PTPRC: variants seen among roughly 807,000 people sequenced by gnomAD.
The protein encoded by PTPRC is protein tyrosine phosphatase receptor type C, also known as receptor-type tyrosine-protein phosphatase C.
In PTPRC, 44 loss-of-function variants were observed where a neutral mutation model predicts 155.9. The observed-to-expected ratio is 0.28, with a 90% confidence interval of 0.22 to 0.36. The LOEUF (loss-of-function observed/expected upper bound fraction) is 0.36. Ranked by LOEUF, PTPRC falls within the 10% of genes least tolerant of loss-of-function variation. PTPRC has a pLI of 1.00. For synonymous variants in PTPRC, 525 were observed against 533.1 expected, an observed-to-expected ratio of 0.98 and a Z score of 0.21; for missense variants, 1,401 against 1,564.6, an observed-to-expected ratio of 0.90 and a Z score of 1.76.
chr1:198,669,414 G>C (rs547565431), intron 2 of PTPRC, among the ~76,000 whole-genome samples: 1 of 151,964 alleles, frequency 6.6e-6, no homozygotes, highest in South Asian at 2.1e-4. Context: ...GTACTGTGTG[G>C]TCCACCATAC....
At chr1:198,669,396 C>A (rs1290158193) in intron 2 of PTPRC, among the ~76,000 whole-genome samples, 1 of 152,152 alleles carries the variant, frequency 6.6e-6, no homozygotes, top group Non-Finnish European at 1.5e-5. Flanking sequence ...TTTCTGGCCT[C>A]CTTTCATGTA....
chr1:198,672,876 A>C (rs748752145), intron 2 of PTPRC, among the ~76,000 whole-genome samples: 1 of 152,172 alleles, frequency 6.6e-6, no homozygotes, highest in Non-Finnish European at 1.5e-5. Flanking sequence ...TGTTCCACAA[A>C]TGGGATTAAT....
At chr1:198,668,589 G>A (rs1452892459) in intron 2 of PTPRC, among the ~76,000 whole-genome samples, 1 of 152,148 alleles carries the variant, frequency 6.6e-6, no homozygotes, top group Non-Finnish European at 1.5e-5. Context: ...GGGGGCCTGA[G>A]AACTTACATA....
intron 2 of PTPRC, among the ~76,000 whole-genome samples, chr1:198,647,226 T>G (rs934118222): frequency 1.3e-5 from 2 of 151,930 alleles, no homozygotes; most frequent in African/African-American, 4.8e-5. Context: ...GGTATTCTTC[T>G]GCTGTGATGA....
chr1:198,671,021 C>A, intron 2 of PTPRC, among the ~76,000 whole-genome samples: 1 of 152,078 alleles, frequency 6.6e-6, no homozygotes, highest in East Asian at 1.9e-4. Flanking sequence ...AAACTTTAAT[C>A]ATTTCATAGT....
chr1:198,694,051 C>T (rs560218157), intron 3 of PTPRC: 1 of 1,548,992 alleles, frequency 6.5e-7, no homozygotes, highest in African/African-American at 1.4e-5. Flanking sequence ...GGAAGCCAAT[C>T]CAAGTCACCA....
At position 198,734,315 on chromosome 1, in the gene PTPRC, G is replaced by A. The variant is rs1654525405; in HGVS notation, c.2180-13G>A. On this transcript the variant is annotated splice_polypyrimidine_tract_variant and intron_variant, in intron 21 of 32. Coordinates refer to ENST00000442510, the MANE Select transcript of PTPRC (RefSeq NM_002838.5). ...AAATTTTTCTTATCAGCTTTTATTT[G>A]TTTACCTCCTAGGTCCCAGGGATGA... is the stretch of plus-strand genomic sequence containing the variant. The A allele has an allele frequency of 1.2e-6, 2 of 1,610,488 alleles. No individual in the cohort carries two copies. Among genetic ancestry groups the A allele is most frequent in the Admixed American group, 1.7e-5 (1 of 59,798 alleles).
chr1:198,649,259 A>AT (rs1221698966), intron 2 of PTPRC, among the ~76,000 whole-genome samples: 3 of 151,882 alleles, frequency 2.0e-5, no homozygotes, highest in African/African-American at 7.2e-5. Flanking sequence ...ATAAAATAAG[A>AT]TTTTAACTAT....
chr1:198,646,395 A>G (rs1662939312), intron 2 of PTPRC, among the ~76,000 whole-genome samples: 1 of 151,636 alleles, frequency 6.6e-6, no homozygotes, highest in Non-Finnish European at 1.5e-5. Flanking sequence ...ACAGATCTAA[A>G]TTTTCCAAAA....
chr1:198,753,395 GAT>G (rs1334942888), intron 31 of PTPRC, among the ~76,000 whole-genome samples: 2 of 151,646 alleles, frequency 1.3e-5, no homozygotes, highest in African/African-American at 2.4e-5. Context: ...TTGAAAGAAA[GAT>G]ATATAATATA....
chr1:198,656,178 G>T (rs1487229118), intron 2 of PTPRC, among the ~76,000 whole-genome samples: 1 of 152,022 alleles, frequency 6.6e-6, no homozygotes, highest in African/African-American at 2.4e-5. Context: ...TTTTTGTCCT[G>T]TAAGAGTTAT....
chr1:198,740,064 AAAGCAGTACTAAGAGAAAAGTTTGT>A (rs1654828456), intron 23 of PTPRC, among the ~76,000 whole-genome samples: 1 of 151,978 alleles, frequency 6.6e-6, no homozygotes, highest in Admixed American at 6.6e-5. Flanking sequence ...TGATACAGTG[AAAGCAGTACTAAGAGAAAAGTTTGT>A]AAGAGTAAGC....
At chr1:198,654,107 G>A (rs1365634892) in intron 2 of PTPRC, among the ~76,000 whole-genome samples, 1 of 151,678 alleles carries the variant, frequency 6.6e-6, no homozygotes, top group Non-Finnish European at 1.5e-5. Flanking sequence ...TGTGAATTAT[G>A]GAATTTTCAG....
chr1:198,741,978 T>C lies in PTPRC; in HGVS notation c.2513T>C (p.Val838Ala), dbSNP rs1175976011. 6.2e-7 allele frequency: 1 copy of C among 1,610,790 alleles called. No homozygotes were observed. Among genetic ancestry groups the C allele is most frequent in the Non-Finnish European group, 8.5e-7 (1 of 1,178,716 alleles). The stretch of plus-strand genomic sequence containing the variant: ...TTGCTCCTCAAACTGAGAAGGAGAG[T>C]GAATGCCTTCAGCAATTTCTTCAGT... ...PHLLLKLRRR[V>A]NAFSNFFSGP... Residue 838 changes from valine (V) to alanine (A), a missense_variant, in exon 24 of 33, where the codon GTG (valine) becomes GCG (alanine). Around this residue, in one of 3 missense-constraint regions of PTPRC, gnomAD observed 134 missense variants for 204.7 expected, o/e 0.65. Transcript: ENST00000442510.
chr1:198,695,421 CA>C (rs11362541), intron 3 of PTPRC, among the ~76,000 whole-genome samples: 65,531 of 123,264 alleles, frequency 0.53, 17,461 homozygotes, highest in Middle Eastern at 0.64. Context: ...ATATGTTAAG[CA>C]AAAAAAAAAA....
chr1:198,710,096 T>C (rs1375111248), intron 11 of PTPRC, among the ~76,000 whole-genome samples: 2 of 152,218 alleles, frequency 1.3e-5, no homozygotes, highest in African/African-American at 4.8e-5. Flanking sequence ...AATTTAGCTC[T>C]GTTACCCACT....
chr1:198,656,653 G>GTTTTTTT (rs67367377), intron 2 of PTPRC, among the ~76,000 whole-genome samples: 1 of 141,698 alleles, frequency 7.1e-6, no homozygotes, highest in Admixed American at 7.1e-5. Flanking sequence ...TTTGTTTTTT[G>GTTTTTTT]TTTTTTTTTT....
chr1:198,692,991 G>T, intron 3 of PTPRC: 1 of 936,776 alleles, frequency 1.1e-6, no homozygotes, highest in African/African-American at 1.8e-5. Flanking sequence ...AATTGCAGAT[G>T]GTTAAATATC....
intron 3 of PTPRC, chr1:198,692,830 G>A: frequency 1.1e-6 from 1 of 899,890 alleles, no homozygotes; most frequent in Non-Finnish European, 1.3e-6. Context: ...AAACCTTTGA[G>A]ACTATTGAGA....
Sources: gnomAD v4.1 joint callset for allele counts (sites outside exome capture counted in the v4.1 genomes callset) on GRCh38, gnomAD v4.1.1 for gene constraint, gnomAD v4.1.1 regional missense constraint, MANE v1.5 for transcripts, NCBI Gene and HGNC (gene_info 2026-07-23, HGNC 2026-07-21) for gene names.